CD38: variants seen among roughly 807,000 people sequenced by gnomAD.
CD38 encodes the protein CD38 molecule, also known as ADP-ribosyl cyclase/cyclic ADP-ribose hydrolase 1.
Under a neutral mutation model 36.3 loss-of-function variants are expected in CD38, and 31 were observed. That is an observed-to-expected ratio of 0.85 (90% CI 0.64 to 1.15). The LOEUF is 1.15. Ranked by LOEUF, CD38 falls within the 50% of genes most tolerant of loss-of-function variation. The pLI, the probability that CD38 is intolerant of heterozygous loss-of-function variation, is 0.00. For synonymous variants in CD38, 131 were observed against 135.2 expected (o/e 0.97, Z 0.22); for missense variants, 380 against 371.9 (o/e 1.02, Z -0.18).
At chr4:15,829,274 C>T (rs1042553796) in intron 3 of CD38, among the ~76,000 whole-genome samples, 1 of 151,868 alleles carries the variant, frequency 6.6e-6, no homozygotes, top group Non-Finnish European at 1.5e-5. Flanking sequence ...GATGTGTGTA[C>T]ATGAGATGTT....
intron 1 of CD38, among the ~76,000 whole-genome samples, chr4:15,785,868 A>T (rs1369660515): frequency 6.6e-6 from 1 of 152,068 alleles, no homozygotes; most frequent in Non-Finnish European, 1.5e-5. Context: ...GTGTGTCCAG[A>T]GTTTGTTCCT....
At chr4:15,812,121 A>G (rs1297346602) in intron 1 of CD38, among the ~76,000 whole-genome samples, 2 of 152,192 alleles carry the variant, frequency 1.3e-5, no homozygotes, top group Non-Finnish European at 2.9e-5. Flanking sequence ...ACATACTATT[A>G]TCATCAGAGT....
chr4:15,790,353 T>A (rs1175420957), intron 1 of CD38, among the ~76,000 whole-genome samples: 1 of 152,102 alleles, frequency 6.6e-6, no homozygotes, highest in Non-Finnish European at 1.5e-5. Context: ...TCGTTTTTTT[T>A]TTTTGGTGGA....
At chr4:15,840,328 A>G (rs909313305) in intron 6 of CD38, 124 bp from the exon 7 acceptor site, 6 of 748,628 alleles carry the variant, frequency 8.0e-6, no homozygotes, top group Non-Finnish European at 1.4e-5. Flanking sequence ...GAGCTCTTAG[A>G]GGATTTACCT....
intron 4 of CD38, among the ~76,000 whole-genome samples, chr4:15,835,763 T>G (rs141008931): frequency 6.6e-6 from 1 of 152,126 alleles, no homozygotes; most frequent in African/African-American, 2.4e-5. Flanking sequence ...CTACCCACCT[T>G]GGCCTCCCAA....
At chr4:15,829,293 G>A (rs998293438) in intron 3 of CD38, among the ~76,000 whole-genome samples, 1 of 151,996 alleles carries the variant, frequency 6.6e-6, no homozygotes, top group Non-Finnish European at 1.5e-5. Flanking sequence ...TTTTGATATA[G>A]ATATACAGTG....
In CD38 at chr4:15,852,452, G is replaced by A. The variant is rs1023787248; in HGVS notation, c.*3850G>A. On this transcript the variant is annotated 3_prime_UTR_variant, in exon 8 of 8. Transcript: ENST00000226279. ...AAGATTCCATACTGCACAGAAAACT[G>A]CTTTTGTGGGTTTTTAAAAGGCAAG... The A allele has an allele frequency of 6.6e-6, 1 of 152,158 alleles. No individual in the cohort carries two copies. Among genetic ancestry groups the A allele is most frequent in the Non-Finnish European group, 1.5e-5 (1 of 68,030 alleles). The allele number at this position is 152,158 out of a possible 1,614,324, so 9.4% of individuals were successfully genotyped here.
intron 1 of CD38, among the ~76,000 whole-genome samples, chr4:15,810,004 C>A (rs1723431497): frequency 6.6e-6 from 1 of 152,168 alleles, no homozygotes; most frequent in African/African-American, 2.4e-5. Flanking sequence ...CCAGATTTCT[C>A]ATTGCCTCTA....
intron 4 of CD38, among the ~76,000 whole-genome samples, chr4:15,837,024 G>A (rs1235399221): frequency 6.6e-6 from 1 of 152,172 alleles, no homozygotes; most frequent in East Asian, 1.9e-4. Context: ...TATGGACAGT[G>A]AACATTCATG....
chr4:15,787,249 T>A (rs150239638), intron 1 of CD38, among the ~76,000 whole-genome samples: 7 of 152,362 alleles, frequency 4.6e-5, no homozygotes, highest in African/African-American at 1.4e-4. Flanking sequence ...CACCAGCACG[T>A]TGTCTCCTCT....
At position 15,840,534 on chromosome 4, in the gene CD38, T is replaced by G; in HGVS notation, c.835T>G (p.Tyr279Asp). Residue 279 changes from tyrosine to aspartate, a missense_variant, in exon 7 of 8, where the codon TAC (tyrosine) becomes GAC (aspartate). Tyr to Asp is a radical substitution (Grantham distance 160, BLOSUM62 -3). Transcript: ENST00000226279. Reference protein sequence around the residue: ...RNIQFSCKNIYRPDKFLQCVK... With the variant: ...RNIQFSCKNIDRPDKFLQCVK... ...TATTCAATTTTCCTGCAAGAATATC[T>G]ACAGGTAATTAATTTCTTCTTGAAG... 1 of 1,535,666 alleles carries G rather than the reference T, an allele frequency of 6.5e-7. No homozygotes were observed.
In CD38 at chr4:15,848,707, TC is replaced by T; in HGVS notation, c.*107del. ...CAGAGCTGAAGATTTTGGAGGGTCCTCCACAATAAGGTCAATGCCAGAGACG... is the reference window on the plus strand; with the variant it reads ...CAGAGCTGAAGATTTTGGAGGGTCCTCACAATAAGGTCAATGCCAGAGACG... On this transcript the variant is annotated 3_prime_UTR_variant, in exon 8 of 8. Transcript: ENST00000226279. 1 of 867,680 alleles carries T rather than the reference TC, an allele frequency of 1.2e-6. No homozygotes were observed. Among genetic ancestry groups the T allele is most frequent in the Non-Finnish European group, 1.9e-6 (1 of 533,252 alleles). 53.7% of individuals were successfully genotyped at this position (867,680 alleles called of 1,614,324 possible).
rs1463613796 is a variant in CD38, at chr4:15,849,944, A to C, written c.*1342A>C. 6.6e-6 allele frequency: 1 copy of C among 152,194 alleles called. No homozygotes were observed. The highest frequency in any genetic ancestry group is 1.5e-5 in the Non-Finnish European group (1 of 68,038). 9.4% of individuals were successfully genotyped at this position (152,194 alleles called of 1,614,324 possible). ...TCTCTTTATTATCCTTCAGTTAAAA[A>C]TATCTTTCAATTCATTGTTATATAA... On this transcript the variant is annotated 3_prime_UTR_variant, in exon 8 of 8. Coordinates refer to ENST00000226279, the MANE Select transcript of CD38 (RefSeq NM_001775.4).
chr4:15,812,188 G>GA (rs1472913668), intron 1 of CD38, among the ~76,000 whole-genome samples: 2 of 152,146 alleles, frequency 1.3e-5, no homozygotes, highest in African/African-American at 4.8e-5. Context: ...CAATTATCTT[G>GA]ATTACTGTAG....
chr4:15,788,138 A>T (rs774276370), intron 1 of CD38, among the ~76,000 whole-genome samples: 12 of 152,132 alleles, frequency 7.9e-5, no homozygotes, highest in African/African-American at 2.9e-4. Context: ...ATCTCACCTT[A>T]ACAATCACTT....
intron 1 of CD38, among the ~76,000 whole-genome samples, chr4:15,791,388 C>T (rs1278875997): frequency 7.2e-5 from 2 of 27,662 alleles, no homozygotes; most frequent in African/African-American, 5.6e-4. Context: ...CCGCCCCGTC[C>T]GGGAGGTGAG....
intron 3 of CD38, among the ~76,000 whole-genome samples, chr4:15,832,653 C>T (rs943824455): frequency 1.3e-5 from 2 of 152,256 alleles, no homozygotes; most frequent in South Asian, 2.1e-4. Context: ...CACACTCCAC[C>T]GCAACTAGGA....
In CD38 at chr4:15,791,119, A is replaced by T. The variant is rs1350910103; in HGVS notation, c.233+12472A>T. On this transcript the variant is annotated intron_variant, in intron 1 of 7. Coordinates refer to ENST00000226279, the MANE Select transcript of CD38 (RefSeq NM_001775.4). ...GGGGCTCCTCTGCCCGGCCGCCCCT[A>T]CTGGGAAGTGAGGAGCCCCTCTGCC... Among the ~76,000 whole-genome samples the T allele has an allele frequency of 6.2e-5, 6 of 97,176 alleles. No individual in the cohort carries two copies. In the East Asian group the frequency reaches 1.8e-3, roughly 29 times the overall value. 63.8% of individuals were successfully genotyped at this position (97,176 alleles called of 152,430 possible). A position where few individuals can be genotyped will look rare whatever the true frequency, so the allele number is the denominator to read the frequency against.
intron 3 of CD38, among the ~76,000 whole-genome samples, chr4:15,826,355 A>G (rs1383318247): frequency 1.3e-5 from 2 of 152,108 alleles, no homozygotes; most frequent in African/African-American, 4.8e-5. Context: ...AAAGATAGCT[A>G]TCCTCTTTTA....
Sources: allele counts gnomAD v4.1 joint callset (sites outside exome capture counted in the v4.1 genomes callset), GRCh38; gene constraint gnomAD v4.1.1; transcripts MANE v1.5; gene names NCBI Gene and HGNC (gene_info 2026-07-23, HGNC 2026-07-21).